Variants in CNTNAP2 observed in about 807,000 individuals in gnomAD.
The protein encoded by CNTNAP2 is contactin associated protein 2.
A neutral mutation model predicts 155.2 loss-of-function variants in CNTNAP2; 98 were observed. The observed-to-expected ratio is 0.63, with a 90% CI of 0.54 to 0.75. CNTNAP2 has a LOEUF of 0.75. CNTNAP2 is among the 30% of genes least tolerant of loss of function. The probability of loss-of-function intolerance (pLI) is 0.00; values close to 1 mark genes in which losing one functional copy is unlikely to be tolerated. For missense variants in CNTNAP2, 1,727 were observed against 1,688.1 expected (o/e 1.02, Z -0.40); for synonymous variants, 651 against 631.2 (o/e 1.03, Z -0.47).
rs576423401 is a variant in CNTNAP2, at chr7:147,075,981, G to A, written c.550+31927G>A. 2.5e-3 allele frequency among the ~76,000 whole-genome samples: 375 copies of A among 152,166 alleles called. 5 individuals carry two copies. The highest frequency in any genetic ancestry group is 8.1e-3 in the African/African-American group (335 of 41,518). On this transcript the variant is annotated intron_variant, in intron 4 of 23. Coordinates refer to ENST00000361727, the MANE Select transcript of CNTNAP2 (RefSeq NM_014141.6). ...TGAACTCATCCTTTTTTATGGCTGC[G>A]TAGTATTCCATGGTGTATATATGCC...
intron 13 of CNTNAP2, among the ~76,000 whole-genome samples, chr7:147,815,279 G>T (rs1213211440): frequency 6.6e-6 from 1 of 152,154 alleles, no homozygotes; most frequent in Admixed American, 6.5e-5. Context: ...TGGTTTCTCT[G>T]TTCTGGGTGT....
At chr7:147,676,002 A>C (rs1795860612) in intron 13 of CNTNAP2, among the ~76,000 whole-genome samples, 1 of 152,086 alleles carries the variant, frequency 6.6e-6, no homozygotes, top group Non-Finnish European at 1.5e-5. Context: ...AATATGTATA[A>C]AGCAATTAGC....
chr7:148,183,882 T>C (rs889210131), intron 18 of CNTNAP2, among the ~76,000 whole-genome samples: 1 of 152,226 alleles, frequency 6.6e-6, no homozygotes, highest in African/African-American at 2.4e-5. Flanking sequence ...TTTCAAATTA[T>C]ATTCCACCAG....
chr7:147,845,040 A>T (rs1207947284), intron 13 of CNTNAP2, among the ~76,000 whole-genome samples: 6 of 96,248 alleles, frequency 6.2e-5, no homozygotes, highest in South Asian at 3.9e-4. Flanking sequence ...CATCAAGGAT[A>T]TTGGTCTAAA....
chr7:146,583,377 T>C (rs1309195661), intron 1 of CNTNAP2, among the ~76,000 whole-genome samples: 1 of 152,066 alleles, frequency 6.6e-6, no homozygotes, highest in African/African-American at 2.4e-5. Flanking sequence ...TTCAATCAGT[T>C]TTCAAACCCC....
chr7:147,602,674 G>A (rs191367761), intron 12 of CNTNAP2, among the ~76,000 whole-genome samples: 212 of 149,572 alleles, frequency 1.4e-3, no homozygotes, highest in African/African-American at 4.8e-3. Flanking sequence ...AGAGTGTGAT[G>A]TTCCCCTTCC....
At chr7:146,432,803 T>A (rs924653470) in intron 1 of CNTNAP2, among the ~76,000 whole-genome samples, 3 of 152,176 alleles carry the variant, frequency 2.0e-5, no homozygotes, top group Non-Finnish European at 4.4e-5. Flanking sequence ...CTCTCTTTAA[T>A]ATAGTTTATT....
intron 15 of CNTNAP2, among the ~76,000 whole-genome samples, chr7:148,003,437 A>T (rs969966042): frequency 2.6e-5 from 4 of 152,124 alleles, no homozygotes; most frequent in African/African-American, 9.7e-5. Context: ...ATTGACTGAA[A>T]TTTATTCACC....
chr7:146,120,992 T>C (rs1303651368), intron 1 of CNTNAP2, among the ~76,000 whole-genome samples: 1 of 152,160 alleles, frequency 6.6e-6, no homozygotes, highest in Non-Finnish European at 1.5e-5. Context: ...ATATGTTTTT[T>C]GTCTATTTTA....
intron 12 of CNTNAP2, among the ~76,000 whole-genome samples, chr7:147,568,210 C>T (rs1282901019): frequency 5.3e-5 from 8 of 151,680 alleles, no homozygotes; most frequent in Non-Finnish European, 8.8e-5. Context: ...AAAATATTTC[C>T]ATTGTTACCA....
At chr7:146,789,833 T>G (rs2129188722) in intron 2 of CNTNAP2, among the ~76,000 whole-genome samples, 1 of 150,916 alleles carries the variant, frequency 6.6e-6, no homozygotes, top group East Asian at 1.9e-4. Context: ...CAGTACAAAG[T>G]GAAAGAAAAT....
intron 3 of CNTNAP2, 128 bp downstream of exon 3, chr7:146,840,032 A>T (rs1005830293): frequency 3.6e-5 from 40 of 1,115,538 alleles, no homozygotes; most frequent in Non-Finnish European, 5.0e-5. Context: ...CTATTTATTC[A>T]TCATTGTTGA....
chr7:147,866,761 G>GTT (rs149520147), intron 13 of CNTNAP2, among the ~76,000 whole-genome samples: 27 of 149,426 alleles, frequency 1.8e-4, no homozygotes, highest in Middle Eastern at 3.5e-3. Flanking sequence ...TTTTTTTTTT[G>GTT]TTTTTTGTTG....
chr7:146,718,657 A>G (rs1412262499), intron 1 of CNTNAP2, among the ~76,000 whole-genome samples: 1 of 152,104 alleles, frequency 6.6e-6, no homozygotes, highest in Non-Finnish European at 1.5e-5. Flanking sequence ...TCAACTTAAT[A>G]TTGTTGAAGT....
At chr7:147,691,310 T>G (rs913010259) in intron 13 of CNTNAP2, among the ~76,000 whole-genome samples, 5 of 152,156 alleles carry the variant, frequency 3.3e-5, no homozygotes, top group Non-Finnish European at 7.4e-5. Flanking sequence ...CTCTTCAGTT[T>G]GACAGTCAAA....
chr7:146,661,095 C>T (rs569146672), intron 1 of CNTNAP2, among the ~76,000 whole-genome samples: 1 of 152,278 alleles, frequency 6.6e-6, no homozygotes, highest in South Asian at 2.1e-4. Context: ...TTTCCAGAGG[C>T]ATTAAGCATC....
intron 1 of CNTNAP2, among the ~76,000 whole-genome samples, chr7:146,148,684 G>T (rs28564084): frequency 4.0e-5 from 6 of 151,872 alleles, no homozygotes; most frequent in African/African-American, 1.5e-4. Context: ...AATGATGAAC[G>T]TGGATAATTA....
chr7:146,185,746 G>A (rs1469315675), intron 1 of CNTNAP2, among the ~76,000 whole-genome samples: 2 of 148,216 alleles, frequency 1.3e-5, no homozygotes, highest in Admixed American at 1.3e-4. Flanking sequence ...TTCAGGGAGT[G>A]AACTTTTTAT....
chr7:147,667,804 A>T (rs1795720946), intron 13 of CNTNAP2, among the ~76,000 whole-genome samples: 1 of 149,360 alleles, frequency 6.7e-6, no homozygotes, highest in Non-Finnish European at 1.5e-5. Context: ...GCAAAAAAAA[A>T]AAATAATAAA....
Sources: allele counts gnomAD v4.1 joint callset (sites outside exome capture counted in the v4.1 genomes callset), GRCh38; gene constraint gnomAD v4.1.1; transcripts MANE v1.5; gene names NCBI Gene and HGNC (gene_info 2026-07-23, HGNC 2026-07-21).